Variants in ARID2 observed in about 807,000 individuals in gnomAD.
The protein encoded by ARID2 is AT-rich interaction domain 2.
Under a neutral mutation model 184.6 loss-of-function variants are expected in ARID2, and 32 were observed. The observed-to-expected ratio is 0.17, with a 90% CI of 0.13 to 0.23. ARID2 has a LOEUF of 0.23. Ranked by LOEUF, ARID2 falls within the 10% of genes least tolerant of loss-of-function variation. The pLI, the probability that ARID2 is intolerant of heterozygous loss-of-function variation, is 1.00. For synonymous variants in ARID2, 836 were observed against 772.6 expected (o/e 1.08, Z -1.36); for missense variants, 1,696 against 2,197.6 (o/e 0.77, Z 4.56).
At chr12:45,879,523 A>G (rs1477711590) in intron 16 of ARID2, among the ~76,000 whole-genome samples, 1 of 152,206 alleles carries the variant, frequency 6.6e-6, no homozygotes, top group Non-Finnish European at 1.5e-5. Context: ...GTTGCTGTTT[A>G]AGGGTTCCTG....
At chr12:45,856,067 CTT>C (rs930473740) in intron 15 of ARID2, among the ~76,000 whole-genome samples, 2 of 74,616 alleles carry the variant, frequency 2.7e-5, no homozygotes, top group South Asian at 4.8e-4. Flanking sequence ...TTCTTCTTTT[CTT>C]TTTTTTTTTT....
chr12:45,902,358 A>G lies in ARID2; in HGVS notation c.5364-2576A>G, dbSNP rs186667119. Among the ~76,000 whole-genome samples the G allele has an allele frequency of 3.8e-4, 58 of 152,276 alleles. No homozygotes were observed. In the South Asian group the frequency reaches 0.011, roughly 28 times the overall value. On this transcript the variant is annotated intron_variant, in intron 20 of 20. Transcript: ENST00000334344. ...CTAGTGATTTCAGTTTATTCTTTCT[A>G]GTTTTATCCATGCAATATTCAAATA...
Position 45,894,118 on chromosome 12 carries a change from ATG to A in ARID2, c.5363+399_5363+400del, listed in dbSNP as rs1490545638. 2.0e-5 allele frequency among the ~76,000 whole-genome samples: 3 copies of A among 152,248 alleles called. No homozygotes were observed. The South Asian group carries it at 6.2e-4, about 32-fold the overall frequency. On this transcript the variant is annotated intron_variant, in intron 20 of 20. Coordinates refer to ENST00000334344, the MANE Select transcript of ARID2 (RefSeq NM_152641.4). Reference sequence around the variant, plus strand: ...CATGTACCCATCAATGGCATAAATAATGTTAAGGTATGTGTATAATACTCTGA... The same window carrying A: ...CATGTACCCATCAATGGCATAAATAATTAAGGTATGTGTATAATACTCTGA...
At chr12:45,800,289 A>G (rs961690680) in intron 3 of ARID2, among the ~76,000 whole-genome samples, 1 of 152,250 alleles carries the variant, frequency 6.6e-6, no homozygotes, top group African/African-American at 2.4e-5. Flanking sequence ...TAGTAGTTCA[A>G]ATACTATACC....
intron 3 of ARID2, among the ~76,000 whole-genome samples, chr12:45,780,254 T>A (rs1028293063): frequency 3.3e-5 from 5 of 152,168 alleles, no homozygotes; most frequent in Admixed American, 1.3e-4. Flanking sequence ...GGGGTAGAAT[T>A]TATCTTGAAA....
chr12:45,775,754 T>A (rs770127415), intron 3 of ARID2, among the ~76,000 whole-genome samples: 3 of 152,242 alleles, frequency 2.0e-5, no homozygotes, highest in Non-Finnish European at 4.4e-5. Context: ...GCCAGATGGA[T>A]GCAAATAGAA....
intron 18 of ARID2, 145 bp from the exon 19 acceptor site, chr12:45,893,275 A>ATG: frequency 1.1e-6 from 1 of 950,634 alleles, no homozygotes; most frequent in South Asian, 2.3e-5. Context: ...ATAAACGTTA[A>ATG]TGCTAGACCA....
chr12:45,864,440 G>A (rs1459103651), intron 16 of ARID2, among the ~76,000 whole-genome samples: 3 of 151,262 alleles, frequency 2.0e-5, no homozygotes, highest in African/African-American at 7.3e-5. Context: ...ATTGCCTCTG[G>A]TTGATAAGTC....
At chr12:45,838,772 A>AAATAG (rs1565616168) in intron 10 of ARID2, among the ~76,000 whole-genome samples, 2 of 152,028 alleles carry the variant, frequency 1.3e-5, no homozygotes, top group African/African-American at 4.8e-5. Context: ...CTCAAAAAAA[A>AAATAG]ATATATAGAT....
chr12:45,801,483 A>G (rs1039065430), intron 3 of ARID2, among the ~76,000 whole-genome samples: 6 of 152,216 alleles, frequency 3.9e-5, no homozygotes, highest in African/African-American at 1.4e-4. Flanking sequence ...GGATAACTTC[A>G]TAGTGTGATA....
At chr12:45,868,907 G>A (rs1943872601) in intron 16 of ARID2, among the ~76,000 whole-genome samples, 1 of 152,116 alleles carries the variant, frequency 6.6e-6, no homozygotes, top group African/African-American at 2.4e-5. Context: ...ATTTATTTGA[G>A]CAACTACTTT....
intron 5 of ARID2, among the ~76,000 whole-genome samples, chr12:45,818,225 T>G (rs777564400): frequency 1.3e-5 from 2 of 152,168 alleles, no homozygotes; most frequent in Non-Finnish European, 2.9e-5. Context: ...ACTGCTAATG[T>G]GTGGCTATAA....
chr12:45,822,511 G>C (rs1306546863), intron 6 of ARID2, among the ~76,000 whole-genome samples: 1 of 152,102 alleles, frequency 6.6e-6, no homozygotes, highest in Admixed American at 6.6e-5. Context: ...CTGCACTCTA[G>C]TCTGGGTGAC....
rs78507706 is a variant in ARID2, at chr12:45,734,384, A to T, written c.284+3070A>T. On this transcript the variant is annotated intron_variant, in intron 3 of 20. Coordinates refer to ENST00000334344, the MANE Select transcript of ARID2 (RefSeq NM_152641.4). ...ACTCTTTCTCAAAAAAATAAAATAA[A>T]ATAAAATAAATAAATTAAAAATTGG... Among the ~76,000 whole-genome samples the T allele has an allele frequency of 7.6e-3, 1,163 of 152,188 alleles. 11 individuals are homozygous for T. The highest frequency in any genetic ancestry group is 0.026 in the African/African-American group (1,061 of 41,526).
chr12:45,752,939 A>G (rs772270668), intron 3 of ARID2, among the ~76,000 whole-genome samples: 5 of 152,258 alleles, frequency 3.3e-5, no homozygotes, highest in African/African-American at 9.6e-5. Context: ...GAGTCATGCT[A>G]TAAAGTTTTA....
intron 6 of ARID2, among the ~76,000 whole-genome samples, chr12:45,821,939 G>A (rs1942904892): frequency 6.6e-6 from 1 of 152,154 alleles, no homozygotes; most frequent in African/African-American, 2.4e-5. Context: ...AAATATAGTT[G>A]TGAATTTCAA....
chr12:45,753,502 A>C (rs896505779), intron 3 of ARID2, among the ~76,000 whole-genome samples: 1 of 152,176 alleles, frequency 6.6e-6, no homozygotes, highest in Non-Finnish European at 1.5e-5. Context: ...TGAGTGGTAA[A>C]TACATTAGTA....
chr12:45,861,252 TG>T (rs1442783561), intron 16 of ARID2, among the ~76,000 whole-genome samples: 2 of 152,164 alleles, frequency 1.3e-5, no homozygotes, highest in African/African-American at 4.8e-5. Flanking sequence ...AGCTTTTTTT[TG>T]TTGTTTTTGT....
At chr12:45,886,848 G>A (rs1034119220) in intron 16 of ARID2, among the ~76,000 whole-genome samples, 11 of 152,228 alleles carry the variant, frequency 7.2e-5, no homozygotes, top group African/African-American at 1.9e-4. Flanking sequence ...TCCCTAGGCT[G>A]CAGGCAGCAT....
Sources: allele counts gnomAD v4.1 joint callset (sites outside exome capture counted in the v4.1 genomes callset), GRCh38; gene constraint gnomAD v4.1.1; transcripts MANE v1.5; gene names NCBI Gene and HGNC (gene_info 2026-07-23, HGNC 2026-07-21).